ANO4: variants seen among roughly 807,000 people sequenced by gnomAD.
ANO4 encodes the protein anoctamin 4, also known as anoctamin-4.
In ANO4, 69 loss-of-function variants were observed where a neutral mutation model predicts 141.9. That is an observed-to-expected ratio of 0.49 (90% CI 0.40 to 0.59). The LOEUF is 0.59. Among genes scored for constraint, ANO4 ranks in the 20% least tolerant of loss-of-function variants. The pLI, the probability that ANO4 is intolerant of heterozygous loss-of-function variation, is 0.00. For missense variants in ANO4, 894 were observed against 1,162.2 expected, an observed-to-expected ratio of 0.77 and a Z score of 3.36; for synonymous variants, 350 against 394.3, an observed-to-expected ratio of 0.89 and a Z score of 1.33.
intron 1 of ANO4, among the ~76,000 whole-genome samples, chr12:100,725,503 C>T (rs560704753): frequency 2.2e-4 from 33 of 152,126 alleles, no homozygotes; most frequent in African/African-American, 6.3e-4. Flanking sequence ...CCCACCACCA[C>T]GCCCGGCTAA....
chr12:100,911,930 T>C (rs958813108), intron 2 of ANO4, among the ~76,000 whole-genome samples: 5 of 152,188 alleles, frequency 3.3e-5, no homozygotes, highest in East Asian at 1.9e-4. Flanking sequence ...TTACTTGATA[T>C]TCTGTTGTTT....
chr12:100,950,421 G>A (rs146370095), intron 5 of ANO4, among the ~76,000 whole-genome samples: 27 of 152,304 alleles, frequency 1.8e-4, no homozygotes, highest in Middle Eastern at 6.8e-3. Flanking sequence ...GAGCCCTGGC[G>A]ATTCCTTGAG....
chr12:101,088,646 C>T (rs912598552), intron 17 of ANO4, among the ~76,000 whole-genome samples: 1 of 151,834 alleles, frequency 6.6e-6, no homozygotes, highest in Non-Finnish European at 1.5e-5. Context: ...CTGACATGGT[C>T]GGCTGCTGAG....
chr12:100,977,061 T>C (rs944716181), intron 7 of ANO4, among the ~76,000 whole-genome samples: 2 of 152,196 alleles, frequency 1.3e-5, no homozygotes, highest in African/African-American at 4.8e-5. Flanking sequence ...TAAAATGATA[T>C]TAACTTCTCC....
intron 3 of ANO4, among the ~76,000 whole-genome samples, chr12:100,785,296 A>G (rs2033837715): frequency 6.6e-6 from 1 of 152,150 alleles, no homozygotes; most frequent in African/African-American, 2.4e-5. Flanking sequence ...TTGGTATGGT[A>G]TATTCTATGG....
chr12:101,048,023 C>G, intron 13 of ANO4: 3 of 1,067,494 alleles, frequency 2.8e-6, no homozygotes, highest in Non-Finnish European at 3.4e-6. Flanking sequence ...TAACTATATC[C>G]ATACACATAT....
intron 1 of ANO4, among the ~76,000 whole-genome samples, chr12:100,836,716 A>C (rs1254079136): frequency 6.6e-6 from 1 of 152,116 alleles, no homozygotes; most frequent in Admixed American, 6.6e-5. Flanking sequence ...GAAAAGGAAA[A>C]GGGATTCTAG....
intron 3 of ANO4, among the ~76,000 whole-genome samples, chr12:100,761,566 A>G (rs2032858942): frequency 6.6e-6 from 1 of 152,164 alleles, no homozygotes; most frequent in African/African-American, 2.4e-5. Context: ...GAAGCTCCTT[A>G]AAGACTTAGC....
intron 8 of ANO4, among the ~76,000 whole-genome samples, chr12:100,990,722 C>G (rs969599327): frequency 2.6e-5 from 4 of 152,070 alleles, no homozygotes; most frequent in African/African-American, 9.7e-5. Flanking sequence ...ATACTCAATT[C>G]TCCAGATTTG....
intron 14 of ANO4, among the ~76,000 whole-genome samples, chr12:101,065,249 A>AAT (rs1313838309): frequency 3.9e-5 from 6 of 152,040 alleles, no homozygotes; most frequent in East Asian, 1.9e-4. Context: ...AAATTTGTGC[A>AAT]ATATATATAT....
intron 25 of ANO4, among the ~76,000 whole-genome samples, chr12:101,118,228 G>T (rs2050934514): frequency 6.6e-6 from 1 of 152,054 alleles, no homozygotes; most frequent in African/African-American, 2.4e-5. Flanking sequence ...CTATTATTTG[G>T]AGTTAAAAAC....
At chr12:100,744,427 C>T (rs1185638680) in intron 3 of ANO4, among the ~76,000 whole-genome samples, 1 of 152,148 alleles carries the variant, frequency 6.6e-6, no homozygotes, top group Non-Finnish European at 1.5e-5. Flanking sequence ...GGCTGGTCTT[C>T]TCACTGTACC....
In ANO4 at chr12:100,780,108, C is replaced by CGAAATCCTG. The variant is rs2033667857; in HGVS notation, c.358+40006_358+40014dup. Among the ~76,000 whole-genome samples, 3 of 152,142 alleles carry CGAAATCCTG rather than the reference C, an allele frequency of 2.0e-5. No homozygotes were observed. In the South Asian group the frequency reaches 6.2e-4, roughly 32 times the overall value. On this transcript the variant is annotated intron_variant, in intron 3 of 29. Transcript: ENST00000644049. ...ACACAATCATAGCTCACTGCAGCCT[C>CGAAATCCTG]GAAATCCTGGACTAATGCAATCCTC...
intron 3 of ANO4, among the ~76,000 whole-genome samples, chr12:100,777,115 CAG>C (rs34049949): frequency 0.67 from 97,386 of 144,922 alleles, 32,845 homozygotes; most frequent in East Asian, 0.79. Context: ...TTTTTTGAGA[CAG>C]AGTCTCACTT....
At chr12:100,882,986 C>G (rs1260951414) in intron 1 of ANO4, among the ~76,000 whole-genome samples, 1 of 152,164 alleles carries the variant, frequency 6.6e-6, no homozygotes, top group Non-Finnish European at 1.5e-5. Context: ...CAGGTGTGAG[C>G]CACCGCACCC....
chr12:100,890,681 A>T (rs2040060124), intron 1 of ANO4, among the ~76,000 whole-genome samples: 2 of 152,172 alleles, frequency 1.3e-5, no homozygotes, highest in African/African-American at 4.8e-5. Context: ...ACTGCAAAAT[A>T]CAGACATTCC....
intron 5 of ANO4, among the ~76,000 whole-genome samples, chr12:100,945,057 C>T (rs752249008): frequency 6.6e-6 from 1 of 152,036 alleles, no homozygotes. Context: ...GAAGAAACAC[C>T]CTAGGGACCC....
chr12:100,820,866 T>G (rs1256140360), intron 1 of ANO4, among the ~76,000 whole-genome samples: 1 of 152,084 alleles, frequency 6.6e-6, no homozygotes, highest in African/African-American at 2.4e-5. Flanking sequence ...CTGACCCTGA[T>G]TGTGCTGGGT....
At chr12:100,868,988 A>G (rs925382462) in intron 1 of ANO4, among the ~76,000 whole-genome samples, 5 of 152,282 alleles carry the variant, frequency 3.3e-5, no homozygotes, top group Admixed American at 3.3e-4. Context: ...TAGTTTGCCA[A>G]CCCCCTTCTC....
Sources: allele counts gnomAD v4.1 joint callset (sites outside exome capture counted in the v4.1 genomes callset), GRCh38; gene constraint gnomAD v4.1.1; transcripts MANE v1.5; gene names NCBI Gene and HGNC (gene_info 2026-07-23, HGNC 2026-07-21).